C8orf34: variants seen among roughly 807,000 people sequenced by gnomAD.
C8orf34 encodes the protein uncharacterized protein C8orf34.
C8orf34 carries 65 observed loss-of-function variants against 68.3 expected under a neutral mutation model. That is an observed-to-expected ratio of 0.95 (90% confidence interval 0.78 to 1.17). C8orf34 has a LOEUF of 1.17. Ranked by LOEUF, C8orf34 falls within the 50% of genes most tolerant of loss-of-function variation. The pLI is 0.00. For synonymous variants in C8orf34, 244 were observed against 241.2 expected (o/e 1.01, Z -0.11); for missense variants, 664 against 655.4 (o/e 1.01, Z -0.14).
At chr8:68,657,092 T>A (rs765848386) in intron 8 of C8orf34, among the ~76,000 whole-genome samples, 1 of 152,292 alleles carries the variant, frequency 6.6e-6, no homozygotes, top group East Asian at 1.9e-4. Flanking sequence ...ATGTCCCTCA[T>A]ATGCCCTATG....
rs545163444 is a variant in C8orf34, at chr8:68,617,006, C to T, written c.1106-23370C>T. 3.5e-3 allele frequency among the ~76,000 whole-genome samples: 531 copies of T among 152,270 alleles called. 6 individuals are homozygous for T. The highest frequency in any genetic ancestry group is 0.012 in the African/African-American group (509 of 41,556). On this transcript the variant is annotated intron_variant, in intron 7 of 13. Coordinates refer to ENST00000518698, the MANE Select transcript of C8orf34 (RefSeq NM_052958.4). ...GTGCATATATATTTAGGATAGTTAG[C>T]TCTTCTTGTTGAATTGATCTCTTTA... is the stretch of plus-strand genomic sequence containing the variant.
intron 10 of C8orf34, among the ~76,000 whole-genome samples, chr8:68,772,667 T>TTCCTTCTTTCTTTCTTTCC (rs1823375398): frequency 6.6e-6 from 1 of 152,076 alleles, no homozygotes; most frequent in African/African-American, 2.4e-5. Flanking sequence ...TCTTTCTTTC[T>TTCCTTCTTTCTTTCTTTCC]TCCTTCTTTC....
At chr8:68,574,288 G>A (rs1268812097) in intron 7 of C8orf34, among the ~76,000 whole-genome samples, 5 of 151,944 alleles carry the variant, frequency 3.3e-5, no homozygotes, top group South Asian at 2.1e-4. Flanking sequence ...TGAGTATTAT[G>A]ATACTACAAG....
intron 10 of C8orf34, among the ~76,000 whole-genome samples, chr8:68,772,928 T>C (rs1388021050): frequency 6.6e-6 from 1 of 151,712 alleles, no homozygotes; most frequent in Non-Finnish European, 1.5e-5. Context: ...CCATGTTTTC[T>C]TTCCTTTTCC....
chr8:68,453,641 A>G (rs1183932030), intron 3 of C8orf34, among the ~76,000 whole-genome samples: 1 of 151,992 alleles, frequency 6.6e-6, no homozygotes, highest in African/African-American at 2.4e-5. Flanking sequence ...ATTTTGCTGA[A>G]CTAGTTTATT....
At chr8:68,731,197 A>G (rs1396525326) in intron 10 of C8orf34, among the ~76,000 whole-genome samples, 1 of 152,178 alleles carries the variant, frequency 6.6e-6, no homozygotes, top group Non-Finnish European at 1.5e-5. Context: ...CGAAAACTAC[A>G]TAGATTACAT....
At chr8:68,769,495 A>C (rs565694333) in intron 10 of C8orf34, among the ~76,000 whole-genome samples, 12 of 152,108 alleles carry the variant, frequency 7.9e-5, no homozygotes, top group Non-Finnish European at 1.6e-4. Context: ...AAAAATAATA[A>C]AAATATACTT....
rs905383211 is a variant in C8orf34, at chr8:68,581,767, G to C, written c.1105+48618G>C. Among the ~76,000 whole-genome samples, 3 of 152,092 alleles carry C rather than the reference G, an allele frequency of 2.0e-5. 1 individual carries two copies. In the South Asian group the frequency reaches 6.2e-4, roughly 32 times the overall value. On this transcript the variant is annotated intron_variant, in intron 7 of 13. Transcript: ENST00000518698. ...GCCACAGTTCACATTCCTGAAACAG[G>C]CTGTCCGGCATTTCTGTTGCAGGGG...
Position 68,660,458 on chromosome 8 carries a change from C to T in C8orf34, c.1241+19947C>T, listed in dbSNP as rs76272847. Reference sequence around the variant, plus strand: ...GGGGGTCTGGAGGGTGAGAATTATCCACATTTACCCACACACTGTCTTTCC... The same window carrying T: ...GGGGGTCTGGAGGGTGAGAATTATCTACATTTACCCACACACTGTCTTTCC... On this transcript the variant is annotated intron_variant, in intron 8 of 13. Transcript: ENST00000518698. 3.4e-3 allele frequency among the ~76,000 whole-genome samples: 516 copies of T among 152,220 alleles called. 3 individuals carry two copies. Among genetic ancestry groups the T allele is most frequent in the African/African-American group, 0.011 (455 of 41,518 alleles).
At chr8:68,460,543 C>T (rs1000881757) in intron 3 of C8orf34, among the ~76,000 whole-genome samples, 1 of 152,182 alleles carries the variant, frequency 6.6e-6, no homozygotes, top group African/African-American at 2.4e-5. Flanking sequence ...AGGCACCCCC[C>T]AGTAGCGGCA....
At chr8:68,808,889 T>G (rs1395337780) in intron 12 of C8orf34, among the ~76,000 whole-genome samples, 1 of 152,116 alleles carries the variant, frequency 6.6e-6, no homozygotes, top group Non-Finnish European at 1.5e-5. Context: ...TGACATAATA[T>G]TCTTACTCCT....
At chr8:68,520,838 G>C (rs575422106) in intron 5 of C8orf34, among the ~76,000 whole-genome samples, 51 of 152,104 alleles carry the variant, frequency 3.4e-4, no homozygotes, top group African/African-American at 1.2e-3. Context: ...TTTAAGCAAG[G>C]CTTATATTTT....
chr8:68,418,566 T>A (rs1460470342), intron 1 of C8orf34, among the ~76,000 whole-genome samples: 6 of 152,226 alleles, frequency 3.9e-5, no homozygotes, highest in South Asian at 4.1e-4. Context: ...GTGGTTTTTG[T>A]CTTTGGTTCT....
At chr8:68,583,302 T>C (rs2130365655) in intron 7 of C8orf34, among the ~76,000 whole-genome samples, 1 of 152,224 alleles carries the variant, frequency 6.6e-6, no homozygotes, top group Non-Finnish European at 1.5e-5. Context: ...ATGACTACCA[T>C]GCATGAAAAA....
At chr8:68,555,206 C>G (rs1816214145) in intron 7 of C8orf34, among the ~76,000 whole-genome samples, 1 of 152,104 alleles carries the variant, frequency 6.6e-6, no homozygotes, top group Non-Finnish European at 1.5e-5. Context: ...TTCAGCCTCT[C>G]AAGTTCATTA....
chr8:68,546,961 C>CA (rs770151476), intron 7 of C8orf34, among the ~76,000 whole-genome samples: 9 of 151,546 alleles, frequency 5.9e-5, no homozygotes, highest in East Asian at 1.9e-4. Context: ...GAGCTTTAAA[C>CA]AAGAAAGTTT....
At chr8:68,783,148 G>A (rs1267673000) in intron 11 of C8orf34, among the ~76,000 whole-genome samples, 4 of 151,986 alleles carry the variant, frequency 2.6e-5, no homozygotes, top group African/African-American at 9.7e-5. Flanking sequence ...AAACGTGAGG[G>A]CCCCAAAATT....
intron 6 of C8orf34, chr8:68,525,442 T>A: frequency 2.1e-6 from 1 of 485,694 alleles, no homozygotes; most frequent in Admixed American, 3.2e-5. Flanking sequence ...TCTTTTTTAG[T>A]ACAAGTTCAA....
At chr8:68,472,322 C>A (rs1016067792) in intron 4 of C8orf34, among the ~76,000 whole-genome samples, 1 of 152,114 alleles carries the variant, frequency 6.6e-6, no homozygotes, top group Admixed American at 6.6e-5. Flanking sequence ...AAGTGTTTGC[C>A]CCCATCTCAA....
Sources: allele counts gnomAD v4.1 joint callset (sites outside exome capture counted in the v4.1 genomes callset), GRCh38; gene constraint gnomAD v4.1.1; transcripts MANE v1.5; gene names NCBI Gene and HGNC (gene_info 2026-07-23, HGNC 2026-07-21).